The following PCDHAC2 variants were observed in gnomAD, a reference collection of about 807,000 sequenced individuals.
PCDHAC2 encodes the protein protocadherin alpha-C2.
In PCDHAC2, 24 loss-of-function variants were observed where a neutral mutation model predicts 63.3. That is an observed-to-expected ratio of 0.38 (90% confidence interval 0.27 to 0.53). The LOEUF is 0.53. Ranked by LOEUF, PCDHAC2 falls within the 20% of genes least tolerant of loss-of-function variation. PCDHAC2 has a pLI of 0.81. For synonymous variants in PCDHAC2, 569 were observed against 529.4 expected (o/e 1.07, Z -1.03); for missense variants, 1,181 against 1,275.2 (o/e 0.93, Z 1.12).
chr5:140,981,726 T>C (rs1554243283), intron 2 of PCDHAC2, among the ~76,000 whole-genome samples: 1 of 151,710 alleles, frequency 6.6e-6, no homozygotes, highest in Non-Finnish European at 1.5e-5. Context: ...CCAACAAATA[T>C]TTGAGAGATT....
chr5:140,973,126 T>C (rs1554234908), intron 1 of PCDHAC2, among the ~76,000 whole-genome samples: 1 of 152,144 alleles, frequency 6.6e-6, no homozygotes, highest in Non-Finnish European at 1.5e-5. Flanking sequence ...ATGAATTAAG[T>C]TTGCATTCAC....
intron 2 of PCDHAC2, among the ~76,000 whole-genome samples, chr5:140,981,116 A>G (rs533489885): frequency 6.6e-6 from 1 of 152,344 alleles, no homozygotes; most frequent in African/African-American, 2.4e-5. Flanking sequence ...TCTACTGGAT[A>G]TGTTGTTTGA....
chr5:140,981,981 A>G (rs2096960839), intron 2 of PCDHAC2, among the ~76,000 whole-genome samples: 1 of 152,208 alleles, frequency 6.6e-6, no homozygotes, highest in Non-Finnish European at 1.5e-5. Flanking sequence ...GAAAGAGTAA[A>G]ATAGAAAATA....
At chr5:141,007,328 A>G (rs1018961755) in intron 3 of PCDHAC2, among the ~76,000 whole-genome samples, 1 of 149,092 alleles carries the variant, frequency 6.7e-6, no homozygotes, top group African/African-American at 2.5e-5. Context: ...AAGTGGACAG[A>G]TTGCCTGAGC....
rs782815703 is a variant in PCDHAC2 at position 140,968,080 on chromosome 5, G to A, written c.1314G>A (p.Thr438=). 14 of 1,614,102 alleles carry A rather than the reference G, an allele frequency of 8.7e-6. No homozygotes were observed. Among genetic ancestry groups the A allele is most frequent in the Middle Eastern group, 1.7e-4 (1 of 6,060 alleles). The change falls in exon 1 of 4, where the codon ACG becomes ACA. Residue 438 remains threonine (T), a synonymous_variant. Coordinates refer to ENST00000289269, the MANE Select transcript of PCDHAC2 (RefSeq NM_018899.6). ...DRERVAVYNI[T]VTATDGGIPQ... is the part of the protein sequence containing the mutation. ...AGCGGGTGGCTGTCTACAACATCAC[G>A]GTGACAGCCACAGATGGGGGAATAC... is the stretch of plus-strand genomic sequence containing the variant.
intron 3 of PCDHAC2, among the ~76,000 whole-genome samples, chr5:140,991,523 T>A (rs73268060): frequency 0.032 from 4,843 of 152,294 alleles, 263 homozygotes; most frequent in African/African-American, 0.11. Flanking sequence ...CAAGGTGTGT[T>A]CTTGCCACTA....
intron 3 of PCDHAC2, among the ~76,000 whole-genome samples, chr5:141,002,090 A>AGG (rs782223041): frequency 1.3e-5 from 2 of 152,254 alleles, no homozygotes; most frequent in Non-Finnish European, 2.9e-5. Flanking sequence ...CGAGCAGTCC[A>AGG]GGGGCTGGGC....
At chr5:141,005,478 C>T (rs1021420332) in intron 3 of PCDHAC2, among the ~76,000 whole-genome samples, 8 of 151,550 alleles carry the variant, frequency 5.3e-5, no homozygotes, top group East Asian at 3.9e-4. Context: ...CCGAGACGGG[C>T]GGATCATGAG....
intron 3 of PCDHAC2, among the ~76,000 whole-genome samples, chr5:140,985,454 A>G (rs1378044295): frequency 1.3e-5 from 2 of 152,188 alleles, no homozygotes; most frequent in Non-Finnish European, 2.9e-5. Context: ...GAAAAGGGAA[A>G]TGCTCCAAAA....
At chr5:141,001,509 G>A (rs1025738776) in intron 3 of PCDHAC2, among the ~76,000 whole-genome samples, 3 of 152,212 alleles carry the variant, frequency 2.0e-5, no homozygotes, top group Non-Finnish European at 4.4e-5. Context: ...GGTGGGCTTA[G>A]CTTTCTCCCT....
chr5:140,968,232 G>T lies in PCDHAC2; in HGVS notation c.1466G>T (p.Cys489Phe). The T allele has an allele frequency of 1.2e-6, 2 of 1,613,990 alleles. No individual in the cohort carries two copies. The highest frequency in any genetic ancestry group is 1.7e-6 in the Non-Finnish European group (2 of 1,180,026). Residue 489 changes from cysteine (C) to phenylalanine (F), a missense_variant, in exon 1 of 4, where the codon TGT becomes TTT. By Grantham distance (205) the Cys-to-Phe change is radical (BLOSUM62 -2). This residue lies in a region of PCDHAC2 where 968 missense variants were observed against 1,073.5 expected (regional missense o/e 0.90). Coordinates refer to ENST00000289269, the MANE Select transcript of PCDHAC2 (RefSeq NM_018899.6). ...QENNLPGVLL[C>F]TVQATDPDEK... ...AACAATTTGCCAGGTGTGTTGCTCT[G>T]TACTGTGCAAGCCACAGACCCAGAT... is the stretch of plus-strand genomic sequence containing the variant.
chr5:141,004,982 A>G (rs1445212778), intron 3 of PCDHAC2, among the ~76,000 whole-genome samples: 2 of 152,234 alleles, frequency 1.3e-5, no homozygotes, highest in African/African-American at 2.4e-5. Flanking sequence ...TTGCAGTATC[A>G]TTATCTTGGT....
In PCDHAC2 at chr5:140,968,471, G is replaced by A. The variant is rs531821868; in HGVS notation, c.1705G>A (p.Val569Met). Residue 569 changes from valine (V) to methionine (M), a missense_variant, in exon 1 of 4, where the codon GTG becomes ATG. Val to Met is a conservative substitution (Grantham distance 21). Around this residue, in one of 3 missense-constraint regions of PCDHAC2, gnomAD observed 968 missense variants for 1,073.5 expected, o/e 0.90. Coordinates refer to ENST00000289269, the MANE Select transcript of PCDHAC2 (RefSeq NM_018899.6). ...CAGCACTGTGACTGCCAACGTATAT[G>A]TGGTGGACATGAATGACCATGCCCC... The part of the protein sequence containing the change: ...LSSTVTANVY[V>M]VDMNDHAPHI... 3.3e-5 allele frequency: 54 copies of A among 1,614,154 alleles called. No homozygotes were observed. The South Asian group carries it at 5.7e-4, about 17-fold the overall frequency.
At position 141,009,800 on chromosome 5, in the gene PCDHAC2, A is replaced by G. The variant is rs148436868; in HGVS notation, c.2887A>G (p.Ser963Gly). The stretch of plus-strand genomic sequence containing the variant: ...CTCCATCCGGCAGGAGCCTACTAAC[A>G]GCCAAATTGACAAAAGTGACTTCAT... ...IISIRQEPTN[S>G]QIDKSDFITF... The change falls in exon 4 of 4, where the codon AGC (serine) becomes GGC (glycine). Residue 963 changes from serine to glycine, a missense_variant. By Grantham distance (56) the Ser-to-Gly change is moderately conservative (BLOSUM62 0). Coordinates refer to ENST00000289269, the MANE Select transcript of PCDHAC2 (RefSeq NM_018899.6). 1.2e-4 allele frequency: 190 copies of G among 1,614,158 alleles called. No individual in the cohort carries two copies. In the African/African-American group the frequency reaches 2.3e-3, roughly 19 times the overall value.
intron 3 of PCDHAC2, among the ~76,000 whole-genome samples, chr5:140,988,469 G>A (rs2097299168): frequency 6.6e-6 from 1 of 152,150 alleles, no homozygotes; most frequent in Admixed American, 6.5e-5. Flanking sequence ...GGTGTGGGAA[G>A]GGGAATTAGC....
At chr5:140,981,812 A>C (rs1563492177) in intron 2 of PCDHAC2, among the ~76,000 whole-genome samples, 1 of 152,052 alleles carries the variant, frequency 6.6e-6, no homozygotes, top group African/African-American at 2.4e-5. Context: ...TTTATGTTCT[A>C]TCTCTGCTTG....
intron 1 of PCDHAC2, among the ~76,000 whole-genome samples, chr5:140,969,831 G>A (rs559083785): frequency 3.9e-4 from 60 of 152,296 alleles, no homozygotes; most frequent in African/African-American, 1.4e-3. Context: ...TGTCTACAGT[G>A]GAAATTATCT....
chr5:140,990,148 A>T (rs1236453414), intron 3 of PCDHAC2, among the ~76,000 whole-genome samples: 1 of 152,146 alleles, frequency 6.6e-6, no homozygotes, highest in African/African-American at 2.4e-5. Flanking sequence ...AGGCATAATA[A>T]TAGAAAGTTA....
At chr5:140,999,638 CTG>C (rs2097866913) in intron 3 of PCDHAC2, among the ~76,000 whole-genome samples, 1 of 152,170 alleles carries the variant, frequency 6.6e-6, no homozygotes, top group Non-Finnish European at 1.5e-5. Flanking sequence ...GTAGAGAAAA[CTG>C]TGCAGCCTGA....
Sources: gnomAD v4.1 joint callset for allele counts (sites outside exome capture counted in the v4.1 genomes callset) on GRCh38, gnomAD v4.1.1 for gene constraint, gnomAD v4.1.1 regional missense constraint, MANE v1.5 for transcripts, NCBI Gene and HGNC (gene_info 2026-07-23, HGNC 2026-07-21) for gene names.